The following CLYBL variants were observed in gnomAD, a reference collection of about 807,000 sequenced individuals.
CLYBL encodes the protein citramalyl-CoA lyase, mitochondrial.
Under a neutral mutation model 38.9 loss-of-function variants are expected in CLYBL, and 31 were observed. The observed-to-expected ratio is 0.80, with a 90% CI of 0.60 to 1.08. CLYBL has a LOEUF of 1.08. Among genes scored for constraint, CLYBL ranks in the 50% least tolerant of loss-of-function variants. The pLI is 0.00. For synonymous variants in CLYBL, 171 were observed against 158.6 expected (o/e 1.08, Z -0.59); for missense variants, 434 against 411.6 (o/e 1.05, Z -0.47).
intron 1 of CLYBL, among the ~76,000 whole-genome samples, chr13:99,709,665 T>G (rs1051340084): frequency 6.6e-6 from 1 of 152,218 alleles, no homozygotes; most frequent in Non-Finnish European, 1.5e-5. Context: ...TCTCACTTTC[T>G]AAGCTTGATT....
chr13:99,776,240 T>C (rs1353619624), intron 2 of CLYBL, among the ~76,000 whole-genome samples: 1 of 150,858 alleles, frequency 6.6e-6, no homozygotes, highest in Non-Finnish European at 1.5e-5. Flanking sequence ...CACATCAGTA[T>C]TCCCAGCACT....
At chr13:99,801,095 C>T (rs985548466) in intron 2 of CLYBL, among the ~76,000 whole-genome samples, 1 of 152,098 alleles carries the variant, frequency 6.6e-6, no homozygotes, top group African/African-American at 2.4e-5. Context: ...ACATCACCGT[C>T]GCCCTTAGTA....
At chr13:99,745,197 T>C (rs1279554999) in intron 1 of CLYBL, among the ~76,000 whole-genome samples, 1 of 152,248 alleles carries the variant, frequency 6.6e-6, no homozygotes, top group Non-Finnish European at 1.5e-5. Flanking sequence ...TCTGTCTTTC[T>C]TGCCATTGTT....
intron 1 of CLYBL, among the ~76,000 whole-genome samples, chr13:99,612,968 T>C (rs2046650676): frequency 6.6e-6 from 1 of 151,682 alleles, no homozygotes; most frequent in African/African-American, 2.4e-5. Context: ...TGAGCTGTGA[T>C]GATACCACTG....
intron 1 of CLYBL, among the ~76,000 whole-genome samples, chr13:99,633,638 G>A (rs1039295179): frequency 5.9e-5 from 9 of 152,070 alleles, no homozygotes; most frequent in African/African-American, 1.7e-4. Context: ...TGCATATGGG[G>A]TTTCCTTTTG....
At chr13:99,822,402 G>A (rs2050605856) in intron 2 of CLYBL, among the ~76,000 whole-genome samples, 1 of 152,152 alleles carries the variant, frequency 6.6e-6, no homozygotes, top group Non-Finnish European at 1.5e-5. Context: ...CAAAGAAATG[G>A]TTCAGAAGTA....
intron 1 of CLYBL, among the ~76,000 whole-genome samples, chr13:99,649,350 T>C (rs2047219005): frequency 6.6e-6 from 1 of 152,222 alleles, no homozygotes; most frequent in Non-Finnish European, 1.5e-5. Context: ...AAAATACTAC[T>C]AATTGGCACC....
intron 2 of CLYBL, among the ~76,000 whole-genome samples, chr13:99,832,882 AAAAAT>A (rs966141102): frequency 2.0e-5 from 3 of 150,720 alleles, no homozygotes; most frequent in Non-Finnish European, 3.0e-5. Flanking sequence ...GAAGAAAAGA[AAAAAT>A]AAAAGAAAAA....
intron 1 of CLYBL, among the ~76,000 whole-genome samples, chr13:99,706,172 C>T (rs2048144230): frequency 1.3e-5 from 2 of 152,056 alleles, no homozygotes; most frequent in South Asian, 4.1e-4. Flanking sequence ...CCTCGTGATC[C>T]ACCCACTTTG....
chr13:99,854,977 T>A (rs2051423716), intron 2 of CLYBL, among the ~76,000 whole-genome samples: 1 of 152,318 alleles, frequency 6.6e-6, no homozygotes, highest in East Asian at 1.9e-4. Flanking sequence ...GGGAACACCA[T>A]TTTTTAGAAT....
intron 2 of CLYBL, among the ~76,000 whole-genome samples, chr13:99,833,682 G>GC (rs1426492915): frequency 3.6e-4 from 25 of 69,548 alleles, no homozygotes; most frequent in African/African-American, 1.4e-3. Context: ...TTACCGTGTT[G>GC]CTTTTTTTTT....
At chr13:99,715,721 G>A (rs1264344003) in intron 1 of CLYBL, among the ~76,000 whole-genome samples, 1 of 152,152 alleles carries the variant, frequency 6.6e-6, no homozygotes, top group Admixed American at 6.5e-5. Flanking sequence ...GAGATACCAG[G>A]AACCTCTAGT....
chr13:99,769,915 A>C, intron 1 of CLYBL, among the ~76,000 whole-genome samples: 1 of 152,198 alleles, frequency 6.6e-6, no homozygotes, highest in South Asian at 2.1e-4. Flanking sequence ...ATCATGGTGA[A>C]ATGTTACAAC....
intron 2 of CLYBL, among the ~76,000 whole-genome samples, chr13:99,845,223 C>A (rs553142285): frequency 2.6e-5 from 4 of 152,284 alleles, no homozygotes; most frequent in African/African-American, 7.2e-5. Flanking sequence ...CGTTGAACGT[C>A]CACACAATCT....
At chr13:99,789,576 T>C (rs1332097131) in intron 2 of CLYBL, among the ~76,000 whole-genome samples, 1 of 152,254 alleles carries the variant, frequency 6.6e-6, no homozygotes, top group Non-Finnish European at 1.5e-5. Context: ...TTTGTTATAA[T>C]TTCTGTTCTT....
intron 3 of CLYBL, among the ~76,000 whole-genome samples, chr13:99,860,605 C>T (rs766231591): frequency 6.6e-5 from 10 of 152,190 alleles, no homozygotes; most frequent in African/African-American, 9.7e-5. Context: ...TATTTATCAC[C>T]GTTATTACCT....
intron 1 of CLYBL, among the ~76,000 whole-genome samples, chr13:99,702,635 A>G (rs2048085715): frequency 6.7e-6 from 1 of 149,226 alleles, no homozygotes; most frequent in Non-Finnish European, 1.5e-5. Flanking sequence ...TCCGTCTCAA[A>G]AAAAAAAAAA....
chr13:99,722,214 C>T (rs567976193), intron 1 of CLYBL, among the ~76,000 whole-genome samples: 5 of 152,208 alleles, frequency 3.3e-5, no homozygotes, highest in African/African-American at 1.2e-4. Context: ...TCCAGTTTCC[C>T]CCTCATCTTG....
intron 1 of CLYBL, among the ~76,000 whole-genome samples, chr13:99,681,006 TTG>T (rs1475086048): frequency 6.6e-6 from 1 of 152,194 alleles, no homozygotes; most frequent in Non-Finnish European, 1.5e-5. Flanking sequence ...AATTTTTCCT[TTG>T]TGATTATTTT....
Sources: gnomAD v4.1 joint callset for allele counts (sites outside exome capture counted in the v4.1 genomes callset) on GRCh38, gnomAD v4.1.1 for gene constraint, MANE v1.5 for transcripts, NCBI Gene and HGNC (gene_info 2026-07-23, HGNC 2026-07-21) for gene names.